TNRC6B: variants seen among roughly 807,000 people sequenced by gnomAD.
TNRC6B encodes the protein trinucleotide repeat containing adaptor 6B.
Under a neutral mutation model 203.6 loss-of-function variants are expected in TNRC6B, and 52 were observed. The ratio of observed to expected loss-of-function variants is 0.26; its 90% CI spans 0.20 to 0.32. The LOEUF is 0.32. Ranked by LOEUF, TNRC6B falls within the 10% of genes least tolerant of loss-of-function variation. TNRC6B has a pLI of 1.00. For missense variants in TNRC6B, 1,923 were observed against 2,286.2 expected (o/e 0.84, Z 3.24); for synonymous variants, 838 against 845.7 (o/e 0.99, Z 0.16).
chr22:40,319,038 T>A (rs2071299013), intron 21 of TNRC6B, among the ~76,000 whole-genome samples: 1 of 152,178 alleles, frequency 6.6e-6, no homozygotes, highest in African/African-American at 2.4e-5. Flanking sequence ...ACCACTGCAC[T>A]CCAGCCTGGG....
At chr22:40,233,942 C>T (rs562339352) in intron 1 of TNRC6B, among the ~76,000 whole-genome samples, 59 of 152,258 alleles carry the variant, frequency 3.9e-4, no homozygotes, top group Non-Finnish European at 4.9e-4. Flanking sequence ...CTAATGTCAT[C>T]GTTTCAGTAG....
At chr22:40,151,764 TA>T in intron 3 of TNRC6B, among the ~76,000 whole-genome samples, 1 of 133,894 alleles carries the variant, frequency 7.5e-6, no homozygotes, top group Non-Finnish European at 1.6e-5. Context: ...GAAATTAAAA[TA>T]AAAAAATCAA....
Position 40,273,410 on chromosome 22 carries a change from A to T in TNRC6B, c.2966-15A>T. ...TATAGCTGTTGCAAAGAGTTAATTCATTCTTTCCTTAAAGATTCCAAATCT... is the reference window on the plus strand; with the variant it reads ...TATAGCTGTTGCAAAGAGTTAATTCTTTCTTTCCTTAAAGATTCCAAATCT... On this transcript the variant is annotated splice_polypyrimidine_tract_variant and intron_variant, in intron 6 of 22. Coordinates refer to ENST00000454349, the MANE Select transcript of TNRC6B (RefSeq NM_001162501.2). 6.3e-7 allele frequency: 1 copy of T among 1,584,206 alleles called. No individual in the cohort carries two copies. The highest frequency in any genetic ancestry group is 1.8e-5 in the Admixed American group (1 of 54,228).
intron 1 of TNRC6B, among the ~76,000 whole-genome samples, chr22:40,088,584 T>TTGTGTG (rs58537972): frequency 0.17 from 21,394 of 125,012 alleles, 2,062 homozygotes; most frequent in Non-Finnish European, 0.21. Flanking sequence ...GCGGCTACTT[T>TTGTGTG]TGTGTGTGTG....
intron 4 of TNRC6B, among the ~76,000 whole-genome samples, chr22:40,163,291 G>A (rs1048624876): frequency 1.3e-5 from 2 of 148,900 alleles, no homozygotes; most frequent in African/African-American, 5.0e-5. Context: ...TTGTGTGCCG[G>A]TAGTTCCAGC....
chr22:40,297,650 C>A (rs796753050), intron 12 of TNRC6B, among the ~76,000 whole-genome samples: 5 of 151,960 alleles, frequency 3.3e-5, no homozygotes, highest in Admixed American at 1.3e-4. Flanking sequence ...GGTAAAACCC[C>A]GTCTCTACTA....
intron 1 of TNRC6B, among the ~76,000 whole-genome samples, chr22:40,111,327 A>G (rs754469741): frequency 3.1e-4 from 47 of 152,284 alleles, no homozygotes; most frequent in African/African-American, 1.0e-3. Flanking sequence ...CGCCGACCGC[A>G]GTGGGAATGG....
chr22:40,331,670 T>TTAAA lies in TNRC6B; in HGVS notation c.*8429_*8430insTAAA, dbSNP rs2071468433. ...ATTTTTTTTTTTTTTTTTTTTTTTT[T>TTAAA]CAAAAAAAAAAGTCCCACATGTGGT... On this transcript the variant is annotated 3_prime_UTR_variant, in exon 23 of 23. Coordinates refer to ENST00000454349, the MANE Select transcript of TNRC6B (RefSeq NM_001162501.2). 1 of 190,830 alleles carries TTAAA rather than the reference T, an allele frequency of 5.2e-6. No homozygotes were observed. The highest frequency in any genetic ancestry group is 3.8e-5 in the African/African-American group (1 of 26,328). 11.8% of individuals were successfully genotyped at this position (190,830 alleles called of 1,614,324 possible).
chr22:40,119,848 G>T (rs1370578398), intron 2 of TNRC6B, among the ~76,000 whole-genome samples: 1 of 152,036 alleles, frequency 6.6e-6, no homozygotes, highest in Non-Finnish European at 1.5e-5. Flanking sequence ...TTGTCAAAAG[G>T]AAAGTAAAGT....
At chr22:40,223,082 T>C (rs1455059531) in intron 1 of TNRC6B, among the ~76,000 whole-genome samples, 1 of 151,814 alleles carries the variant, frequency 6.6e-6, no homozygotes, top group African/African-American at 2.4e-5. Flanking sequence ...GCCTCTAGTT[T>C]AAAAAGGTAT....
chr22:40,202,453 G>A (rs1222614550), intron 1 of TNRC6B, among the ~76,000 whole-genome samples: 1 of 152,034 alleles, frequency 6.6e-6, no homozygotes, highest in Non-Finnish European at 1.5e-5. Flanking sequence ...AACCATTGCT[G>A]CTGTAACTAT....
At chr22:40,163,443 T>A (rs1255351277) in intron 4 of TNRC6B, among the ~76,000 whole-genome samples, 1 of 70,924 alleles carries the variant, frequency 1.4e-5, no homozygotes, top group African/African-American at 5.9e-5. Context: ...GATGACAGAA[T>A]GAGACCCTGT....
chr22:40,166,671 C>T (rs1183091561), intron 4 of TNRC6B, among the ~76,000 whole-genome samples: 1 of 151,946 alleles, frequency 6.6e-6, no homozygotes, highest in Non-Finnish European at 1.5e-5. Context: ...CCAAAGTGGG[C>T]AGATCACGAG....
intron 1 of TNRC6B, among the ~76,000 whole-genome samples, chr22:40,089,855 A>C (rs149664439): frequency 1.3e-5 from 2 of 151,854 alleles, no homozygotes; most frequent in Non-Finnish European, 2.9e-5. Flanking sequence ...TCATCCCTCC[A>C]TCTCCCTGTC....
intron 4 of TNRC6B, among the ~76,000 whole-genome samples, chr22:40,172,330 C>T (rs2069008941): frequency 6.6e-6 from 1 of 152,260 alleles, no homozygotes; most frequent in Non-Finnish European, 1.5e-5. Flanking sequence ...ATGAGGATGT[C>T]AGCTCCATAT....
chr22:40,310,535 A>C (rs1346021631), intron 16 of TNRC6B, among the ~76,000 whole-genome samples: 1 of 152,222 alleles, frequency 6.6e-6, no homozygotes. Context: ...CATTAATTTC[A>C]TAAGACCATG....
In TNRC6B at chr22:40,273,463, G is replaced by A. The variant is rs778831852; in HGVS notation, c.3004G>A (p.Gly1002Arg). 26 of 1,610,112 alleles carry A rather than the reference G, an allele frequency of 1.6e-5. No homozygotes were observed. The highest frequency in any genetic ancestry group is 1.3e-5 in the Non-Finnish European group (15 of 1,178,334). The change falls in exon 7 of 23, where the codon GGG (glycine) becomes AGG (arginine). Residue 1002 changes from glycine to arginine, a missense_variant. Physicochemically the swap from Gly to Arg is moderately radical, Grantham distance 125. This residue lies in a region of TNRC6B where 599 missense variants were observed against 656.5 expected (regional missense o/e 0.91). Transcript: ENST00000454349. ...GCAAGACGGCTGGGGGGAGAGTGAC[G>A]GGCCAGTCACAGGAGCTCGCCATCC... ...SMQDGWGESD[G>R]PVTGARHPSW...
chr22:40,232,174 T>C (rs1254898704), intron 1 of TNRC6B, among the ~76,000 whole-genome samples: 4 of 152,214 alleles, frequency 2.6e-5, no homozygotes, highest in Non-Finnish European at 5.9e-5. Context: ...CAGTAAGATG[T>C]GATTTCCAAG....
At chr22:40,191,913 G>A (rs2069279618) in intron 1 of TNRC6B, among the ~76,000 whole-genome samples, 1 of 152,158 alleles carries the variant, frequency 6.6e-6, no homozygotes, top group African/African-American at 2.4e-5. Flanking sequence ...ACCATGCCCA[G>A]CTAATTTTTG....
Sources: gnomAD v4.1 joint callset for allele counts (sites outside exome capture counted in the v4.1 genomes callset) on GRCh38, gnomAD v4.1.1 for gene constraint, gnomAD v4.1.1 regional missense constraint, MANE v1.5 for transcripts, NCBI Gene and HGNC (gene_info 2026-07-23, HGNC 2026-07-21) for gene names.